Variants in GADL1 observed in about 807,000 individuals in gnomAD.
GADL1 encodes the protein acidic amino acid decarboxylase GADL1.
In GADL1, 71 loss-of-function variants were observed where a neutral mutation model predicts 69.5. That is an observed-to-expected ratio of 1.02 (90% CI 0.84 to 1.25). The LOEUF is 1.25. Among genes scored for constraint, GADL1 ranks in the 50% most tolerant of loss-of-function variants. The pLI is 0.00. For synonymous variants in GADL1, 254 were observed against 214.4 expected (o/e 1.18, Z -1.62); for missense variants, 737 against 631.8 (o/e 1.17, Z -1.79).
intron 11 of GADL1, among the ~76,000 whole-genome samples, chr3:30,805,363 G>A (rs991086965): frequency 2.6e-5 from 4 of 152,290 alleles, no homozygotes; most frequent in African/African-American, 7.2e-5. Context: ...GAAAGAGGGT[G>A]CTCCATTTGG....
intron 1 of GADL1, among the ~76,000 whole-genome samples, chr3:30,882,016 G>A (rs1698649289): frequency 1.3e-5 from 2 of 151,942 alleles, no homozygotes; most frequent in African/African-American, 2.4e-5. Context: ...CAATAAAATT[G>A]TTTATTATAA....
At chr3:30,860,785 A>G (rs4955168) in intron 2 of GADL1, among the ~76,000 whole-genome samples, 31,346 of 151,938 alleles carry the variant, frequency 0.21, 3,752 homozygotes, top group East Asian at 0.51. Flanking sequence ...GGCATATGGA[A>G]TAGTTAAGAG....
At chr3:30,852,166 A>G (rs1160157542) in intron 4 of GADL1, among the ~76,000 whole-genome samples, 1 of 152,134 alleles carries the variant, frequency 6.6e-6, no homozygotes, top group Non-Finnish European at 1.5e-5. Context: ...TGTATCACCT[A>G]CTATTTATCA....
chr3:30,874,843 A>G (rs960228176), intron 1 of GADL1, among the ~76,000 whole-genome samples: 6 of 151,946 alleles, frequency 3.9e-5, no homozygotes, highest in Non-Finnish European at 8.8e-5. Context: ...CTTGAAGGGT[A>G]TATCAGCTGT....
chr3:30,743,703 C>A (rs1695659100), intron 14 of GADL1, among the ~76,000 whole-genome samples: 1 of 152,140 alleles, frequency 6.6e-6, no homozygotes. Context: ...AAATGTGAGA[C>A]TGATTGTTAT....
intron 11 of GADL1, among the ~76,000 whole-genome samples, chr3:30,828,793 ATACTC>A (rs1405045124): frequency 6.6e-6 from 1 of 151,976 alleles, no homozygotes; most frequent in Non-Finnish European, 1.5e-5. Context: ...ATGCACATAT[ATACTC>A]TACTCTGCTC....
At chr3:30,775,016 T>C (rs1696501422) in intron 14 of GADL1, among the ~76,000 whole-genome samples, 1 of 152,058 alleles carries the variant, frequency 6.6e-6, no homozygotes, top group Non-Finnish European at 1.5e-5. Flanking sequence ...ACCTAAGATA[T>C]CATAATGAGT....
intron 12 of GADL1, among the ~76,000 whole-genome samples, chr3:30,787,741 T>C (rs1696827011): frequency 6.6e-6 from 1 of 152,302 alleles, no homozygotes; most frequent in Admixed American, 6.5e-5. Flanking sequence ...GTCTCTTACC[T>C]GTAAAACTGG....
intron 14 of GADL1, among the ~76,000 whole-genome samples, chr3:30,774,620 CAAG>C (rs1696491644): frequency 6.6e-6 from 1 of 152,070 alleles, no homozygotes; most frequent in Non-Finnish European, 1.5e-5. Context: ...CTGTCATGCT[CAAG>C]TATTTATATA....
intron 1 of GADL1, among the ~76,000 whole-genome samples, chr3:30,880,863 A>T (rs1205974120): frequency 6.6e-6 from 1 of 151,940 alleles, no homozygotes; most frequent in Admixed American, 6.6e-5. Context: ...GTGGAATATA[A>T]ATTAGACCTC....
intron 1 of GADL1, among the ~76,000 whole-genome samples, chr3:30,891,654 A>G (rs1197256966): frequency 1.3e-5 from 2 of 152,034 alleles, no homozygotes; most frequent in African/African-American, 4.8e-5. Context: ...CTTAAAATAA[A>G]AAAAAAAATA....
chr3:30,778,101 C>T lies in GADL1; in HGVS notation c.1392+78G>A. The T allele has an allele frequency of 3.6e-6, 3 of 843,672 alleles. No homozygotes were observed. The South Asian group carries it at 4.3e-5, about 12-fold the overall frequency. 52.3% of individuals were successfully genotyped at this position (843,672 alleles called of 1,614,324 possible). ...GATAATTCTGTGCTTGCTAGGCCCT[C>T]TTATTTATAGGATCAACAGATAATG... On this transcript the variant is annotated intron_variant, in intron 14 of 14. Transcript: ENST00000282538.
At chr3:30,819,787 GAT>G (rs1290577821) in intron 11 of GADL1, among the ~76,000 whole-genome samples, 3 of 151,844 alleles carry the variant, frequency 2.0e-5, no homozygotes, top group African/African-American at 7.3e-5. Flanking sequence ...ATAAAAATGA[GAT>G]AAAAATAAGG....
intron 13 of GADL1, among the ~76,000 whole-genome samples, chr3:30,782,772 A>G (rs1366162377): frequency 3.3e-5 from 5 of 152,166 alleles, no homozygotes; most frequent in African/African-American, 1.2e-4. Flanking sequence ...AGTCACATGG[A>G]AAAGAGAAAT....
intron 13 of GADL1, among the ~76,000 whole-genome samples, chr3:30,785,373 T>C (rs1040427697): frequency 7.9e-6 from 1 of 127,086 alleles, no homozygotes; most frequent in Non-Finnish European, 1.5e-5. Context: ...AAAAGCTAGA[T>C]TTCTTTTTCT....
At chr3:30,848,177 T>C (rs1415347529) in intron 6 of GADL1, among the ~76,000 whole-genome samples, 1 of 152,174 alleles carries the variant, frequency 6.6e-6, no homozygotes, top group East Asian at 1.9e-4. Context: ...AATAATCAAG[T>C]ACTTTTTCCC....
intron 14 of GADL1, among the ~76,000 whole-genome samples, chr3:30,761,608 C>CT (rs1354628022): frequency 6.6e-6 from 1 of 152,162 alleles, no homozygotes; most frequent in Non-Finnish European, 1.5e-5. Context: ...AAGTCTGAGT[C>CT]TAAACCAAAC....
chr3:30,837,686 G>A lies in GADL1; in HGVS notation c.903+1311C>T, dbSNP rs570469858. 2.6e-5 allele frequency among the ~76,000 whole-genome samples: 4 copies of A among 152,142 alleles called. No homozygotes were observed. The South Asian group carries it at 8.3e-4, about 32-fold the overall frequency. On this transcript the variant is annotated intron_variant, in intron 9 of 14. Transcript: ENST00000282538. ...CATATGTGATGTTTCTTTTATGAGA[G>A]TACAATATTTAGGTAGAACTGCTGA...
At chr3:30,775,740 T>C (rs1031613620) in intron 14 of GADL1, among the ~76,000 whole-genome samples, 1 of 152,150 alleles carries the variant, frequency 6.6e-6, no homozygotes, top group Admixed American at 6.5e-5. Flanking sequence ...TGATCATCCA[T>C]TTTGGCAAAT....
Sources: allele counts gnomAD v4.1 joint callset (sites outside exome capture counted in the v4.1 genomes callset), GRCh38; gene constraint gnomAD v4.1.1; transcripts MANE v1.5; gene names NCBI Gene and HGNC (gene_info 2026-07-23, HGNC 2026-07-21).